Variants in CNTLN observed in about 807,000 individuals in gnomAD.
The protein encoded by CNTLN is centlein, centrosomal protein.
A neutral mutation model predicts 180.0 loss-of-function variants in CNTLN; 212 were observed. The ratio of observed to expected loss-of-function variants is 1.18; its 90% CI spans 1.05 to 1.32. CNTLN has a LOEUF of 1.32. Among genes scored for constraint, CNTLN ranks in the 40% most tolerant of loss-of-function variants. The probability of loss-of-function intolerance (pLI) is 0.00; values close to 1 mark genes in which losing one functional copy is unlikely to be tolerated. For missense variants in CNTLN, 2,095 were observed against 1,610.9 expected, an observed-to-expected ratio of 1.30 and a Z score of -5.14; for synonymous variants, 722 against 563.1, an observed-to-expected ratio of 1.28 and a Z score of -3.99.
intron 10 of CNTLN, among the ~76,000 whole-genome samples, chr9:17,337,626 T>C (rs561963985): frequency 6.6e-6 from 1 of 152,324 alleles, no homozygotes; most frequent in Non-Finnish European, 1.5e-5. Flanking sequence ...GAGATTTTTA[T>C]TGATTCTTAG....
chr9:17,519,729 A>G, the CNTLN span, among the ~76,000 whole-genome samples: 4 of 152,202 alleles, frequency 2.6e-5, no homozygotes, highest in Admixed American at 2.0e-4. Flanking sequence ...ATCTCAGGAA[A>G]CCAAACTTTT....
intron 6 of CNTLN, among the ~76,000 whole-genome samples, chr9:17,279,823 G>A (rs1209637222): frequency 6.6e-6 from 1 of 151,270 alleles, no homozygotes; most frequent in Non-Finnish European, 1.5e-5. Context: ...CCTCAGTGTG[G>A]GACATTGGGC....
At chr9:17,420,866 T>G (rs559618035) in intron 18 of CNTLN, among the ~76,000 whole-genome samples, 1 of 152,330 alleles carries the variant, frequency 6.6e-6, no homozygotes, top group Admixed American at 6.5e-5. Context: ...TTTCTATAAT[T>G]TCCAAAGTTC....
At chr9:17,367,695 C>A (rs1323573961) in intron 13 of CNTLN, among the ~76,000 whole-genome samples, 1 of 152,058 alleles carries the variant, frequency 6.6e-6, no homozygotes, top group Non-Finnish European at 1.5e-5. Flanking sequence ...TTTATGAGAC[C>A]CTTATTCTAG....
intron 15 of CNTLN, among the ~76,000 whole-genome samples, chr9:17,396,930 T>G (rs1452519965): frequency 6.6e-6 from 1 of 152,144 alleles, no homozygotes; most frequent in Non-Finnish European, 1.5e-5. Flanking sequence ...GAGGTTCTTC[T>G]TTCCTTCTCT....
At chr9:17,498,650 A>T (rs1391813938) in intron 25 of CNTLN, among the ~76,000 whole-genome samples, 1 of 152,182 alleles carries the variant, frequency 6.6e-6, no homozygotes, top group Non-Finnish European at 1.5e-5. Flanking sequence ...CTTTATGCTA[A>T]AGAGTTCAAG....
chr9:17,298,495 G>T, intron 7 of CNTLN, 143 bp downstream of exon 7: 7 of 1,320,410 alleles, frequency 5.3e-6, no homozygotes, highest in East Asian at 5.9e-5. Flanking sequence ...AGTGAAGGAT[G>T]GTTCAATTTG....
At chr9:17,511,974 G>T in the CNTLN span, among the ~76,000 whole-genome samples, 2 of 152,128 alleles carry the variant, frequency 1.3e-5, no homozygotes, top group African/African-American at 4.8e-5. Flanking sequence ...TACATAAAAA[G>T]AACCCTGCCT....
chr9:17,311,538 G>T (rs1057414521), intron 8 of CNTLN, among the ~76,000 whole-genome samples: 1 of 150,620 alleles, frequency 6.6e-6, no homozygotes, highest in African/African-American at 2.4e-5. Context: ...GGCTGGGTGC[G>T]GTGGCTCACG....
At chr9:17,189,453 AT>A (rs1296393667) in intron 2 of CNTLN, among the ~76,000 whole-genome samples, 1 of 150,368 alleles carries the variant, frequency 6.7e-6, no homozygotes, top group Admixed American at 6.6e-5. Flanking sequence ...TCTAGGGTGA[AT>A]TTAATCCCAC....
chr9:17,359,744 A>AAAAAAAAAAACAAAAAAAG (rs1823191298), intron 12 of CNTLN, among the ~76,000 whole-genome samples: 1 of 50,204 alleles, frequency 2.0e-5, no homozygotes, highest in African/African-American at 5.3e-5. Context: ...AAAAAAAAAA[A>AAAAAAAAAAACAAAAAAAG]AAAAAACTAG....
chr9:17,357,157 T>C (rs1822913558), intron 12 of CNTLN, among the ~76,000 whole-genome samples: 1 of 152,116 alleles, frequency 6.6e-6, no homozygotes, highest in Admixed American at 6.5e-5. Flanking sequence ...TCTTCAAGAT[T>C]TATCCTTGTT....
At chr9:17,369,139 C>T (rs971589806) in intron 13 of CNTLN, among the ~76,000 whole-genome samples, 1 of 152,110 alleles carries the variant, frequency 6.6e-6, no homozygotes, top group Non-Finnish European at 1.5e-5. Context: ...TTCTCCCATG[C>T]TGCTCTCATG....
At chr9:17,425,862 T>C (rs1829046250) in intron 18 of CNTLN, among the ~76,000 whole-genome samples, 1 of 152,226 alleles carries the variant, frequency 6.6e-6, no homozygotes, top group Non-Finnish European at 1.5e-5. Context: ...TGATTTCTCC[T>C]GATTGCTTGG....
At chr9:17,264,477 T>C (rs1048011255) in intron 5 of CNTLN, among the ~76,000 whole-genome samples, 1 of 149,686 alleles carries the variant, frequency 6.7e-6, no homozygotes, top group Non-Finnish European at 1.5e-5. Flanking sequence ...TCAGGTATCA[T>C]GATGCCTTCA....
At chr9:17,483,918 T>G (rs1018194059) in intron 23 of CNTLN, among the ~76,000 whole-genome samples, 1 of 152,208 alleles carries the variant, frequency 6.6e-6, no homozygotes, top group Admixed American at 6.5e-5. Context: ...GCTAACCTGT[T>G]ACAAATAATA....
chr9:17,197,435 T>C (rs1822205630), intron 2 of CNTLN, among the ~76,000 whole-genome samples: 1 of 152,162 alleles, frequency 6.6e-6, no homozygotes, highest in Non-Finnish European at 1.5e-5. Context: ...CTTTAAGTTC[T>C]AGGGTACATG....
the CNTLN span, among the ~76,000 whole-genome samples, chr9:17,517,700 A>G: frequency 1.3e-5 from 2 of 152,110 alleles, no homozygotes; most frequent in South Asian, 4.1e-4. Flanking sequence ...CAGCAAGGCC[A>G]TTGGAGGGAA....
intron 2 of CNTLN, among the ~76,000 whole-genome samples, chr9:17,203,439 G>C (rs1822690546): frequency 6.6e-6 from 1 of 152,056 alleles, no homozygotes. Flanking sequence ...TTTTCACCTT[G>C]GTTTCATTCT....
Sources: gnomAD v4.1 joint callset for allele counts (sites outside exome capture counted in the v4.1 genomes callset) on GRCh38, gnomAD v4.1.1 for gene constraint, MANE v1.5 for transcripts, NCBI Gene and HGNC (gene_info 2026-07-23, HGNC 2026-07-21) for gene names.